CACNA2D3: variants seen among roughly 807,000 people sequenced by gnomAD.
The protein encoded by CACNA2D3 is calcium voltage-gated channel auxiliary subunit alpha2delta 3.
CACNA2D3 carries 60 observed loss-of-function variants against 160.6 expected under a neutral mutation model. The observed-to-expected ratio is 0.37, with a 90% CI of 0.30 to 0.46. CACNA2D3 has a LOEUF of 0.46. Ranked by LOEUF, CACNA2D3 falls within the 20% of genes least tolerant of loss-of-function variation. The probability of loss-of-function intolerance (pLI) is 1.00; values close to 1 mark genes in which losing one functional copy is unlikely to be tolerated. For missense variants in CACNA2D3, 1,205 were observed against 1,365.0 expected (o/e 0.88, Z 1.85); for synonymous variants, 558 against 492.9 (o/e 1.13, Z -1.75).
At chr3:54,656,681 C>A (rs1274721487) in intron 11 of CACNA2D3, among the ~76,000 whole-genome samples, 2 of 152,210 alleles carry the variant, frequency 1.3e-5, no homozygotes, top group Non-Finnish European at 2.9e-5. Flanking sequence ...TCCCTGACAC[C>A]CTGCTACCTG....
intron 13 of CACNA2D3, among the ~76,000 whole-genome samples, chr3:54,815,715 C>A (rs935931450): frequency 2.0e-5 from 3 of 152,126 alleles, no homozygotes; most frequent in African/African-American, 7.2e-5. Context: ...ATTACTTAAC[C>A]TTTAAGTTCC....
chr3:54,341,461 C>G (rs756860218), intron 3 of CACNA2D3, among the ~76,000 whole-genome samples: 29 of 152,188 alleles, frequency 1.9e-4, no homozygotes, highest in Admixed American at 2.6e-4. Flanking sequence ...GGCATAGAGA[C>G]AAACTCAGAA....
At chr3:54,291,415 A>G (rs1306441232) in intron 2 of CACNA2D3, among the ~76,000 whole-genome samples, 1 of 152,172 alleles carries the variant, frequency 6.6e-6, no homozygotes, top group African/African-American at 2.4e-5. Context: ...CTTGAAATGC[A>G]TCATCTTTTT....
intron 9 of CACNA2D3, among the ~76,000 whole-genome samples, chr3:54,625,133 C>T (rs1174486805): frequency 1.3e-5 from 2 of 152,166 alleles, no homozygotes; most frequent in Non-Finnish European, 2.9e-5. Flanking sequence ...TGGCCCTCAG[C>T]ATTCCTCTCC....
At chr3:54,607,774 A>G (rs1698666967) in intron 9 of CACNA2D3, among the ~76,000 whole-genome samples, 1 of 152,240 alleles carries the variant, frequency 6.6e-6, no homozygotes, top group South Asian at 2.1e-4. Context: ...AAAGACTTGC[A>G]CATGAATGCT....
chr3:54,796,822 A>T (rs924841949), intron 13 of CACNA2D3, among the ~76,000 whole-genome samples: 2 of 152,152 alleles, frequency 1.3e-5, no homozygotes, highest in Admixed American at 6.5e-5. Flanking sequence ...TACGTTTTTC[A>T]TAGGAGTAAG....
At chr3:54,898,279 G>A (rs1024100366) in intron 26 of CACNA2D3, among the ~76,000 whole-genome samples, 1 of 146,652 alleles carries the variant, frequency 6.8e-6, no homozygotes, top group Non-Finnish European at 1.5e-5. Flanking sequence ...TTGGAGTGCA[G>A]TGGCATGATC....
intron 32 of CACNA2D3, among the ~76,000 whole-genome samples, chr3:55,006,785 T>C (rs1703104226): frequency 6.6e-6 from 1 of 152,224 alleles, no homozygotes; most frequent in Admixed American, 6.5e-5. Context: ...GTAAATTTGT[T>C]CTTGTTTCAT....
intron 5 of CACNA2D3, among the ~76,000 whole-genome samples, chr3:54,510,832 G>A (rs1701447832): frequency 6.6e-6 from 1 of 152,146 alleles, no homozygotes; most frequent in African/African-American, 2.4e-5. Context: ...GCACACGGAG[G>A]AATTTGATAC....
At chr3:54,772,086 T>TG (rs1384337901) in intron 13 of CACNA2D3, among the ~76,000 whole-genome samples, 2 of 151,520 alleles carry the variant, frequency 1.3e-5, no homozygotes, top group Admixed American at 6.6e-5. Context: ...TCAGAAGATC[T>TG]GTGACCCTGC....
chr3:54,562,739 C>T, intron 5 of CACNA2D3, 61 bp from the exon 6 acceptor site: 2 of 1,479,772 alleles, frequency 1.4e-6, no homozygotes, highest in Non-Finnish European at 1.9e-6. Flanking sequence ...CGTGGGATGC[C>T]AGGAATTTTA....
chr3:54,891,476 G>T, intron 25 of CACNA2D3, 26 bp downstream of exon 25: 1 of 1,503,104 alleles, frequency 6.7e-7, no homozygotes, highest in South Asian at 1.1e-5. Context: ...CCTCTACAGG[G>T]GCCCAGGGAG....
chr3:54,483,208 C>G (rs1327514138), intron 4 of CACNA2D3, among the ~76,000 whole-genome samples: 1 of 152,120 alleles, frequency 6.6e-6, no homozygotes, highest in African/African-American at 2.4e-5. Flanking sequence ...TTTTTGTATG[C>G]ATTTGCTGTA....
intron 11 of CACNA2D3, among the ~76,000 whole-genome samples, chr3:54,688,152 A>G (rs1013131283): frequency 6.8e-4 from 104 of 152,236 alleles, no homozygotes; most frequent in African/African-American, 2.5e-3. Flanking sequence ...AAGAATTAGC[A>G]GGTGAATAGC....
At position 54,503,570 on chromosome 3, in the gene CACNA2D3, T is replaced by A; in HGVS notation, c.460T>A (p.Leu154Ile). 6.2e-7 allele frequency: 1 copy of A among 1,613,652 alleles called. No individual in the cohort carries two copies. Among genetic ancestry groups the A allele is most frequent in the Non-Finnish European group, 8.5e-7 (1 of 1,179,542 alleles). The change falls in exon 5 of 38, where the codon TTA becomes ATA. Residue 154 changes from leucine to isoleucine, a missense_variant. Coordinates refer to ENST00000474759, the MANE Select transcript of CACNA2D3 (RefSeq NM_018398.3). ...TTTGGAGCTGGGAAAGGAATTCATC[T>A]TAGCCCCAAATGACCATTTTAATAA... is the stretch of plus-strand genomic sequence containing the variant. ...NFLELGKEFI[L>I]APNDHFNNLP... is the part of the protein sequence containing the mutation.
At chr3:54,368,196 C>T (rs558747133) in intron 3 of CACNA2D3, among the ~76,000 whole-genome samples, 1 of 152,202 alleles carries the variant, frequency 6.6e-6, no homozygotes, top group African/African-American at 2.4e-5. Context: ...TAACATTCAT[C>T]GTACCAAGTA....
intron 27 of CACNA2D3, among the ~76,000 whole-genome samples, chr3:54,917,030 T>C (rs1454922466): frequency 6.6e-6 from 1 of 152,198 alleles, no homozygotes; most frequent in Non-Finnish European, 1.5e-5. Context: ...TTTTAACATG[T>C]CCATAACTTC....
Position 54,158,651 on chromosome 3 carries a change from G to A in CACNA2D3, c.204+35057G>A, listed in dbSNP as rs551195627. ...ATGATCAAGTTCCCACATGGACTTCGCCCACAGTGCTTGTTTTTCTGTGTT... is the reference window on the plus strand; with the variant it reads ...ATGATCAAGTTCCCACATGGACTTCACCCACAGTGCTTGTTTTTCTGTGTT... On this transcript the variant is annotated intron_variant, in intron 2 of 37. Coordinates refer to ENST00000474759, the MANE Select transcript of CACNA2D3 (RefSeq NM_018398.3). Among the ~76,000 whole-genome samples, 17 of 152,164 alleles carry A rather than the reference G, an allele frequency of 1.1e-4. No homozygotes were observed. The South Asian group carries it at 3.5e-3, about 32-fold the overall frequency.
chr3:54,613,816 G>A (rs1341389728), intron 9 of CACNA2D3, among the ~76,000 whole-genome samples: 4 of 152,146 alleles, frequency 2.6e-5, no homozygotes, highest in Non-Finnish European at 5.9e-5. Context: ...CTACCCCGGA[G>A]CCTTGGTACC....
Sources: allele counts gnomAD v4.1 joint callset (sites outside exome capture counted in the v4.1 genomes callset), GRCh38; gene constraint gnomAD v4.1.1; transcripts MANE v1.5; gene names NCBI Gene and HGNC (gene_info 2026-07-23, HGNC 2026-07-21).